Variants in TSHZ2 observed in about 807,000 individuals in gnomAD.
TSHZ2 encodes the protein teashirt zinc finger homeobox 2, also known as teashirt homolog 2.
Under a neutral mutation model 74.4 loss-of-function variants are expected in TSHZ2, and 21 were observed. That is an observed-to-expected ratio of 0.28 (90% confidence interval 0.20 to 0.41). The LOEUF (loss-of-function observed/expected upper bound fraction) is 0.41. Ranked by LOEUF, TSHZ2 falls within the 10% of genes least tolerant of loss-of-function variation. TSHZ2 has a pLI of 1.00. For synonymous variants in TSHZ2, 540 were observed against 515.3 expected (o/e 1.05, Z -0.65); for missense variants, 1,244 against 1,293.5 (o/e 0.96, Z 0.59).
chr20:53,251,330 C>A (rs1479159734), intron 1 of TSHZ2, among the ~76,000 whole-genome samples: 2 of 152,174 alleles, frequency 1.3e-5, no homozygotes, highest in Non-Finnish European at 2.9e-5. Flanking sequence ...GGCTCAGTAA[C>A]AACTTATTTT....
intron 2 of TSHZ2, among the ~76,000 whole-genome samples, chr20:53,395,902 T>C (rs983656524): frequency 6.6e-6 from 1 of 152,186 alleles, no homozygotes; most frequent in Non-Finnish European, 1.5e-5. Context: ...GGTAATGAGA[T>C]AGACACACAT....
At chr20:53,450,629 T>C (rs1984740035) in intron 2 of TSHZ2, among the ~76,000 whole-genome samples, 2 of 152,194 alleles carry the variant, frequency 1.3e-5, no homozygotes, top group African/African-American at 4.8e-5. Context: ...GCTCAAGCAG[T>C]CTTCTCGCCT....
intron 1 of TSHZ2, among the ~76,000 whole-genome samples, chr20:53,162,424 G>A (rs990956969): frequency 2.0e-5 from 3 of 152,178 alleles, no homozygotes; most frequent in African/African-American, 7.2e-5. Context: ...CTGAGACGTT[G>A]CCCACTCGCT....
chr20:53,256,700 A>T lies in TSHZ2; in HGVS notation c.*8+129A>T. 7 of 1,394,078 alleles carry T rather than the reference A, an allele frequency of 5.0e-6. No homozygotes were observed. Among genetic ancestry groups the T allele is most frequent in the Non-Finnish European group, 6.6e-6 (7 of 1,064,120 alleles). The allele number at this position is 1,394,078 out of a possible 1,614,324, so 86.4% of individuals were successfully genotyped here. On this transcript the variant is annotated intron_variant, in intron 2 of 2. Transcript: ENST00000371497. The surrounding 1 kb of genome is among the most constrained non-coding windows in gnomAD (Gnocchi z 4.3). Reference sequence around the variant, plus strand: ...ATAGTAGCTTGCTGGAGTAGGATTTATTTTAATGAAAGACCAGAACATGAA... The same window carrying T: ...ATAGTAGCTTGCTGGAGTAGGATTTTTTTTAATGAAAGACCAGAACATGAA...
At chr20:53,372,700 G>A (rs570476297) in intron 2 of TSHZ2, among the ~76,000 whole-genome samples, 2 of 152,098 alleles carry the variant, frequency 1.3e-5, no homozygotes, top group African/African-American at 2.4e-5. Flanking sequence ...ACTTCCAAAC[G>A]CCCCCACCAA....
rs573680699 is a variant in TSHZ2 at position 53,129,208 on chromosome 20, C to T, written c.41-124291C>T. 2.1e-4 allele frequency among the ~76,000 whole-genome samples: 32 copies of T among 152,272 alleles called. No individual in the cohort carries two copies. In the East Asian group the frequency reaches 5.8e-3, roughly 28 times the overall value. On this transcript the variant is annotated intron_variant, in intron 1 of 2. Coordinates refer to ENST00000371497, the MANE Select transcript of TSHZ2 (RefSeq NM_173485.6). The stretch of plus-strand genomic sequence containing the variant: ...AAACTTTTATTATTTTAGGGCAATA[C>T]TTCCCAAATTTCAGTTATTTGCGCA...
intron 1 of TSHZ2, among the ~76,000 whole-genome samples, chr20:53,125,514 A>G (rs1001332689): frequency 3.3e-5 from 5 of 152,290 alleles, no homozygotes; most frequent in African/African-American, 1.2e-4. Flanking sequence ...TATTACTATT[A>G]TTGAATAATC....
chr20:53,187,161 C>T (rs1442393701), intron 1 of TSHZ2, among the ~76,000 whole-genome samples: 2 of 152,130 alleles, frequency 1.3e-5, no homozygotes, highest in African/African-American at 2.4e-5. Flanking sequence ...CTGGGGGCTA[C>T]ACATCGCTGG....
At chr20:53,223,822 A>G (rs1361926010) in intron 1 of TSHZ2, among the ~76,000 whole-genome samples, 1 of 152,140 alleles carries the variant, frequency 6.6e-6, no homozygotes, top group Non-Finnish European at 1.5e-5. Flanking sequence ...TCCTTGTGAT[A>G]TAACTCATCT....
At chr20:53,055,214 C>T (rs1053703520) in intron 1 of TSHZ2, among the ~76,000 whole-genome samples, 1 of 152,176 alleles carries the variant, frequency 6.6e-6, no homozygotes, top group African/African-American at 2.4e-5. Flanking sequence ...AAATCATCAA[C>T]CTGGTTTTCT....
intron 2 of TSHZ2, among the ~76,000 whole-genome samples, chr20:53,265,677 G>A (rs545919686): frequency 6.6e-6 from 1 of 152,188 alleles, no homozygotes; most frequent in East Asian, 1.9e-4. Context: ...TGCTCCTTGT[G>A]GGGGAGGCAC....
intron 2 of TSHZ2, among the ~76,000 whole-genome samples, chr20:53,270,101 G>T (rs1038324733): frequency 6.6e-6 from 1 of 152,130 alleles, no homozygotes; most frequent in Non-Finnish European, 1.5e-5. Context: ...GTATGGTGGA[G>T]ATGCCTTTGG....
intron 1 of TSHZ2, among the ~76,000 whole-genome samples, chr20:53,070,434 G>A (rs951610682): frequency 1.2e-4 from 18 of 152,070 alleles, no homozygotes; most frequent in African/African-American, 2.9e-4. Context: ...ATTTACCTGC[G>A]CTTTCGAAAT....
At chr20:53,280,580 G>A (rs559879328) in intron 2 of TSHZ2, among the ~76,000 whole-genome samples, 1 of 152,208 alleles carries the variant, frequency 6.6e-6, no homozygotes, top group South Asian at 2.1e-4. Context: ...GATCCACTTG[G>A]TATGAATGCA....
At chr20:53,293,908 C>G (rs553093235) in intron 2 of TSHZ2, among the ~76,000 whole-genome samples, 1 of 151,854 alleles carries the variant, frequency 6.6e-6, no homozygotes, top group South Asian at 2.1e-4. Flanking sequence ...CCCAGCTACT[C>G]GGGAGGCTGA....
At chr20:53,145,302 T>C (rs1987512671) in intron 1 of TSHZ2, among the ~76,000 whole-genome samples, 1 of 152,140 alleles carries the variant, frequency 6.6e-6, no homozygotes, top group Non-Finnish European at 1.5e-5. Flanking sequence ...AGAAATCCCA[T>C]GCATTGGTGT....
At chr20:53,423,698 C>A (rs536402812) in intron 2 of TSHZ2, among the ~76,000 whole-genome samples, 1 of 152,162 alleles carries the variant, frequency 6.6e-6, no homozygotes. Context: ...CACCTCATTC[C>A]GCCCATGCAG....
intron 1 of TSHZ2, among the ~76,000 whole-genome samples, chr20:53,020,969 T>C (rs2031903686): frequency 6.6e-6 from 1 of 152,166 alleles, no homozygotes; most frequent in South Asian, 2.1e-4. Flanking sequence ...ACTATATTAA[T>C]GTCTACCTTT....
intron 2 of TSHZ2, among the ~76,000 whole-genome samples, chr20:53,356,302 A>G (rs896784148): frequency 6.6e-6 from 1 of 152,182 alleles, no homozygotes; most frequent in Non-Finnish European, 1.5e-5. Flanking sequence ...AATCTGAGGG[A>G]TAATTATGAT....
Sources: gnomAD v4.1 joint callset for allele counts (sites outside exome capture counted in the v4.1 genomes callset) on GRCh38, gnomAD v4.1.1 for gene constraint, Gnocchi (gnomAD v3.1) non-coding constraint, MANE v1.5 for transcripts, NCBI Gene and HGNC (gene_info 2026-07-23, HGNC 2026-07-21) for gene names.